SPOCK3: variants seen among roughly 807,000 people sequenced by gnomAD.
SPOCK3 encodes testican-3.
SPOCK3 carries 30 observed loss-of-function variants against 56.6 expected under a neutral mutation model. That is an observed-to-expected ratio of 0.53 (90% confidence interval 0.40 to 0.72). SPOCK3 has a LOEUF of 0.72. Ranked by LOEUF, SPOCK3 falls within the 30% of genes least tolerant of loss-of-function variation. SPOCK3 has a pLI of 0.00. For missense variants in SPOCK3, 527 were observed against 530.0 expected, an observed-to-expected ratio of 0.99 and a Z score of 0.06; for synonymous variants, 196 against 183.3, an observed-to-expected ratio of 1.07 and a Z score of -0.56.
intron 4 of SPOCK3, among the ~76,000 whole-genome samples, chr4:166,919,289 ATCAGGAT>A (rs1738225962): frequency 6.6e-6 from 1 of 152,246 alleles, no homozygotes; most frequent in African/African-American, 2.4e-5. Context: ...TAAATTAAAC[ATCAGGAT>A]TTAGAGTTTA....
chr4:166,965,401 T>A (rs536327221), intron 4 of SPOCK3, among the ~76,000 whole-genome samples: 1 of 151,688 alleles, frequency 6.6e-6, no homozygotes, highest in Non-Finnish European at 1.5e-5. Flanking sequence ...TGTTTTTTTT[T>A]TTTTGTTTCT....
chr4:166,863,146 A>G (rs1210812856), intron 6 of SPOCK3, among the ~76,000 whole-genome samples: 1 of 152,136 alleles, frequency 6.6e-6, no homozygotes, highest in Non-Finnish European at 1.5e-5. Context: ...CCAGAATTTC[A>G]TATCCAGCCA....
chr4:167,194,686 A>G (rs1009938215), intron 2 of SPOCK3, among the ~76,000 whole-genome samples: 2 of 152,164 alleles, frequency 1.3e-5, no homozygotes, highest in African/African-American at 4.8e-5. Context: ...TGCATGGTCC[A>G]ATATCAGGTC....
chr4:166,917,799 A>G (rs1738031683), intron 4 of SPOCK3, among the ~76,000 whole-genome samples: 1 of 152,104 alleles, frequency 6.6e-6, no homozygotes, highest in South Asian at 2.1e-4. Flanking sequence ...ACTGTGAGTC[A>G]ATTAAACCTC....
intron 4 of SPOCK3, among the ~76,000 whole-genome samples, chr4:166,919,086 T>A (rs1158018282): frequency 6.6e-6 from 1 of 152,158 alleles, no homozygotes; most frequent in Non-Finnish European, 1.5e-5. Flanking sequence ...ACAAATAAAC[T>A]TCTTTTCTTT....
chr4:166,874,205 A>C lies in SPOCK3; in HGVS notation c.589+14925T>G, dbSNP rs577832514. ...ACCTAAGCTTGGCGTTCCTCAGCTA[A>C]TACTCAACCCCACCATGTATACAGC... On this transcript the variant is annotated intron_variant, in intron 6 of 10. Transcript: ENST00000357545. 2.6e-5 allele frequency among the ~76,000 whole-genome samples: 4 copies of C among 152,194 alleles called. No individual in the cohort carries two copies. In the East Asian group the frequency reaches 5.8e-4, roughly 22 times the overall value.
chr4:166,789,066 G>GACAA (rs34567495), intron 7 of SPOCK3, among the ~76,000 whole-genome samples: 46,240 of 151,638 alleles, frequency 0.3, 7,225 homozygotes, highest in East Asian at 0.38. Flanking sequence ...AATGCCTGAA[G>GACAA]ACATTCTATA....
At chr4:166,863,123 A>C (rs1430512276) in intron 6 of SPOCK3, among the ~76,000 whole-genome samples, 1 of 152,146 alleles carries the variant, frequency 6.6e-6, no homozygotes, top group Non-Finnish European at 1.5e-5. Context: ...TCTTAAAGAA[A>C]ACAATTTTCA....
intron 2 of SPOCK3, among the ~76,000 whole-genome samples, chr4:167,159,594 G>T (rs4058699): frequency 0.18 from 27,590 of 151,982 alleles, 2,719 homozygotes; most frequent in Admixed American, 0.26. Flanking sequence ...CCAAAAAAGA[G>T]AATTTTAGAC....
intron 3 of SPOCK3, among the ~76,000 whole-genome samples, chr4:167,007,101 C>T (rs965522200): frequency 3.3e-5 from 5 of 152,272 alleles, no homozygotes; most frequent in Non-Finnish European, 7.3e-5. Flanking sequence ...ACCTTGAAGC[C>T]TTATTTTTCA....
intron 3 of SPOCK3, among the ~76,000 whole-genome samples, chr4:167,057,971 C>G (rs1457576489): frequency 6.6e-6 from 1 of 152,114 alleles, no homozygotes; most frequent in Admixed American, 6.5e-5. Context: ...CACCCCAAAT[C>G]AACAGAATAT....
intron 4 of SPOCK3, among the ~76,000 whole-genome samples, chr4:166,980,261 G>C (rs1359098293): frequency 6.6e-6 from 1 of 152,134 alleles, no homozygotes; most frequent in Non-Finnish European, 1.5e-5. Context: ...AATGTATCTG[G>C]CATGCCTAGA....
intron 2 of SPOCK3, 142 bp from the exon 3 acceptor site, chr4:167,062,679 T>C (rs909312505): frequency 3.4e-5 from 20 of 594,530 alleles, no homozygotes; most frequent in Non-Finnish European, 5.7e-5. Flanking sequence ...AATTATAAAA[T>C]AAATAAATAA....
At chr4:167,165,231 A>T (rs1765655416) in intron 2 of SPOCK3, among the ~76,000 whole-genome samples, 1 of 152,190 alleles carries the variant, frequency 6.6e-6, no homozygotes, top group Non-Finnish European at 1.5e-5. Context: ...TAAACTAAAG[A>T]GCTTCTGCAC....
At chr4:166,949,514 T>A (rs935240893) in intron 4 of SPOCK3, among the ~76,000 whole-genome samples, 25 of 152,248 alleles carry the variant, frequency 1.6e-4, no homozygotes, top group Non-Finnish European at 3.4e-4. Flanking sequence ...ACAGATGGGT[T>A]TTTAGTGTGG....
At chr4:166,888,328 AAG>A (rs1004795593) in intron 6 of SPOCK3, among the ~76,000 whole-genome samples, 16 of 152,116 alleles carry the variant, frequency 1.1e-4, no homozygotes, top group African/African-American at 3.9e-4. Flanking sequence ...ATTAGATTAG[AAG>A]AGTTCAATAG....
chr4:167,205,305 T>TA (rs1393697414), intron 2 of SPOCK3, among the ~76,000 whole-genome samples: 2 of 43,892 alleles, frequency 4.6e-5, no homozygotes, highest in African/African-American at 1.6e-4. Flanking sequence ...CTATAATATA[T>TA]ATTATATATT....
At chr4:166,786,897 C>T (rs1366923293) in intron 7 of SPOCK3, among the ~76,000 whole-genome samples, 11 of 152,144 alleles carry the variant, frequency 7.2e-5, no homozygotes, top group Non-Finnish European at 2.9e-5. Context: ...AAACGGAGTG[C>T]TGAATTTTTA....
At position 166,755,934 on chromosome 4, in the gene SPOCK3, C is replaced by T. The variant is rs541684438; in HGVS notation, c.710-1205G>A. 1.1e-3 allele frequency among the ~76,000 whole-genome samples: 8 copies of T among 7,250 alleles called. 3 individuals are homozygous for T. In the South Asian group the frequency reaches 0.037, roughly 33 times the overall value. 4.8% of individuals were successfully genotyped at this position (7,250 alleles called of 152,430 possible). On this transcript the variant is annotated intron_variant, in intron 7 of 10. Coordinates refer to ENST00000357545, the MANE Select transcript of SPOCK3 (RefSeq NM_001040159.2). ...TCCGGTCTACAGCTCCCAGCGTGAGCGACGCAGAAGACGGTGATTTCTGCA... is the reference window on the plus strand; with the variant it reads ...TCCGGTCTACAGCTCCCAGCGTGAGTGACGCAGAAGACGGTGATTTCTGCA...
Sources: gnomAD v4.1 joint callset for allele counts (sites outside exome capture counted in the v4.1 genomes callset) on GRCh38, gnomAD v4.1.1 for gene constraint, MANE v1.5 for transcripts, NCBI Gene and HGNC (gene_info 2026-07-23, HGNC 2026-07-21) for gene names.